Variants in NRG3 observed in about 807,000 individuals in gnomAD.
NRG3 encodes the protein pro-neuregulin-3, membrane-bound isoform.
Under a neutral mutation model 66.9 loss-of-function variants are expected in NRG3, and 31 were observed. The ratio of observed to expected loss-of-function variants is 0.46; its 90% CI spans 0.35 to 0.63. The LOEUF (loss-of-function observed/expected upper bound fraction) is 0.63. Ranked by LOEUF, NRG3 falls within the 20% of genes least tolerant of loss-of-function variation. NRG3 has a pLI of 0.00. For missense variants in NRG3, 910 were observed against 878.9 expected (o/e 1.04, Z -0.45); for synonymous variants, 393 against 359.4 (o/e 1.09, Z -1.06).
At chr10:82,917,525 A>G (rs1845957265) in intron 4 of NRG3, among the ~76,000 whole-genome samples, 1 of 152,132 alleles carries the variant, frequency 6.6e-6, no homozygotes, top group Non-Finnish European at 1.5e-5. Context: ...GCACAACTGT[A>G]TAACTGGGCC....
chr10:82,709,111 C>T (rs964066037), intron 2 of NRG3, among the ~76,000 whole-genome samples: 2 of 152,144 alleles, frequency 1.3e-5, no homozygotes, highest in Admixed American at 1.3e-4. Context: ...TAGAGCGGCT[C>T]TGTCCAATCA....
chr10:82,734,777 G>C (rs2058073987), intron 2 of NRG3, among the ~76,000 whole-genome samples: 1 of 152,024 alleles, frequency 6.6e-6, no homozygotes, highest in East Asian at 1.9e-4. Context: ...AAACACTTTG[G>C]GAGGCCAAGA....
At chr10:82,686,976 A>G (rs190603600) in intron 2 of NRG3, among the ~76,000 whole-genome samples, 2 of 152,364 alleles carry the variant, frequency 1.3e-5, no homozygotes, top group Admixed American at 1.3e-4. Flanking sequence ...GATTTCTCAG[A>G]GAACCATACT....
intron 1 of NRG3, among the ~76,000 whole-genome samples, chr10:82,237,425 C>T (rs141912412): frequency 1.7e-3 from 261 of 152,234 alleles, no homozygotes; most frequent in African/African-American, 5.8e-3. Context: ...ATTCTTACAA[C>T]AATTTGTAAT....
chr10:82,486,470 A>C (rs1321779624), intron 2 of NRG3, among the ~76,000 whole-genome samples: 2 of 151,538 alleles, frequency 1.3e-5, no homozygotes, highest in Non-Finnish European at 2.9e-5. Flanking sequence ...GCTGGAGTGC[A>C]GTGGTGCAAT....
At chr10:82,902,326 C>T (rs1371236154) in intron 4 of NRG3, among the ~76,000 whole-genome samples, 1 of 152,022 alleles carries the variant, frequency 6.6e-6, no homozygotes, top group Non-Finnish European at 1.5e-5. Context: ...ATTATTTTTC[C>T]ATAGAGGGTT....
chr10:82,820,055 G>A (rs1007177649), intron 3 of NRG3, among the ~76,000 whole-genome samples: 3 of 152,174 alleles, frequency 2.0e-5, no homozygotes, highest in Admixed American at 6.5e-5. Flanking sequence ...TCTACTTACA[G>A]GATGGTTTCC....
At chr10:82,568,298 G>A (rs1023202690) in intron 2 of NRG3, among the ~76,000 whole-genome samples, 1 of 151,860 alleles carries the variant, frequency 6.6e-6, no homozygotes, top group Non-Finnish European at 1.5e-5. Flanking sequence ...TTTAATATTA[G>A]TGTGAGCTAC....
At chr10:82,031,126 A>G (rs1339729479) in intron 1 of NRG3, among the ~76,000 whole-genome samples, 1 of 152,156 alleles carries the variant, frequency 6.6e-6, no homozygotes, top group African/African-American at 2.4e-5. Flanking sequence ...CTGTCATAGA[A>G]GACCCGTCCC....
chr10:81,996,991 T>G (rs2060964082), intron 1 of NRG3, among the ~76,000 whole-genome samples: 1 of 152,188 alleles, frequency 6.6e-6, no homozygotes, highest in African/African-American at 2.4e-5. Flanking sequence ...TTTAAATTCT[T>G]TAATAAAATG....
At chr10:82,594,437 C>T (rs1033814889) in intron 2 of NRG3, among the ~76,000 whole-genome samples, 1 of 151,970 alleles carries the variant, frequency 6.6e-6, no homozygotes, top group Admixed American at 6.6e-5. Context: ...GAGAAAAGTA[C>T]AAGGATTTCT....
At chr10:82,246,555 G>A (rs1244837269) in intron 1 of NRG3, among the ~76,000 whole-genome samples, 6 of 152,128 alleles carry the variant, frequency 3.9e-5, no homozygotes, top group African/African-American at 1.4e-4. Flanking sequence ...TGCTTTCCTG[G>A]TTACCAGTGA....
chr10:82,244,647 A>G (rs2077153224), intron 1 of NRG3, among the ~76,000 whole-genome samples: 1 of 152,030 alleles, frequency 6.6e-6, no homozygotes, highest in Non-Finnish European at 1.5e-5. Flanking sequence ...ACCAGGGATC[A>G]TTTTTGTGGG....
chr10:82,149,561 A>G (rs1431469510), intron 1 of NRG3, among the ~76,000 whole-genome samples: 1 of 152,192 alleles, frequency 6.6e-6, no homozygotes. Context: ...AAATGAAGCA[A>G]ATATTTTTGA....
intron 1 of NRG3, among the ~76,000 whole-genome samples, chr10:82,230,641 T>C (rs929149783): frequency 2.0e-5 from 3 of 152,010 alleles, no homozygotes; most frequent in Admixed American, 6.6e-5. Flanking sequence ...GAACTGTTGA[T>C]AAACATTAAA....
chr10:82,957,150 G>C (rs558106973), intron 5 of NRG3, among the ~76,000 whole-genome samples: 4 of 152,012 alleles, frequency 2.6e-5, no homozygotes, highest in African/African-American at 9.7e-5. Context: ...TGATGGTATC[G>C]GGAAAGATAT....
At chr10:82,536,856 T>C (rs1450918649) in intron 2 of NRG3, among the ~76,000 whole-genome samples, 2 of 151,216 alleles carry the variant, frequency 1.3e-5, no homozygotes, top group Non-Finnish European at 3.0e-5. Context: ...ATTTTTATTA[T>C]TAAATATTTT....
chr10:82,158,452 C>T (rs985223267), intron 1 of NRG3, among the ~76,000 whole-genome samples: 3 of 151,542 alleles, frequency 2.0e-5, no homozygotes, highest in Admixed American at 6.6e-5. Context: ...TCTGTGTCTC[C>T]GTATGTGTTG....
intron 1 of NRG3, among the ~76,000 whole-genome samples, chr10:82,106,451 A>T (rs148262018): frequency 0.011 from 1,734 of 152,276 alleles, 25 homozygotes; most frequent in Non-Finnish European, 0.015. Flanking sequence ...ACCTAAGGTT[A>T]GGCTAGTTGT....
Sources: allele counts gnomAD v4.1 joint callset (sites outside exome capture counted in the v4.1 genomes callset), GRCh38; gene constraint gnomAD v4.1.1; transcripts MANE v1.5; gene names NCBI Gene and HGNC (gene_info 2026-07-23, HGNC 2026-07-21).